The following SKA2 variants were observed in gnomAD, a reference collection of about 807,000 sequenced individuals.
SKA2 encodes the protein spindle and kinetochore-associated protein 2.
SKA2 carries 13 observed loss-of-function variants against 16.9 expected under a neutral mutation model. That is an observed-to-expected ratio of 0.77 (90% CI 0.50 to 1.22). The LOEUF (loss-of-function observed/expected upper bound fraction) is 1.22. Ranked by LOEUF, SKA2 falls within the 50% of genes most tolerant of loss-of-function variation. The pLI, the probability that SKA2 is intolerant of heterozygous loss-of-function variation, is 0.00. For missense variants in SKA2, 107 were observed against 139.7 expected, an observed-to-expected ratio of 0.77 and a Z score of 1.18; for synonymous variants, 47 against 48.5, an observed-to-expected ratio of 0.97 and a Z score of 0.13.
chr17:59,154,927 T>C lies in SKA2; in HGVS notation c.33+204A>G, dbSNP rs770429469. The C allele has an allele frequency of 5.0e-6, 8 of 1,610,626 alleles. No homozygotes were observed. In the South Asian group the frequency reaches 5.5e-5, roughly 11 times the overall value. On this transcript the variant is annotated intron_variant, in intron 1 of 3. Coordinates refer to ENST00000330137, the MANE Select transcript of SKA2 (RefSeq NM_182620.4). The stretch of plus-strand genomic sequence containing the variant: ...CCCTCAGCATCTCCCGCCATTTCCC[T>C]GACGAGTTTCCCGGATGTAACCCCT...
rs970013800 is a variant in SKA2 at position 59,123,956 on chromosome 17, A to G, written c.121-4461T>C. Among the ~76,000 whole-genome samples, 7 of 152,302 alleles carry G rather than the reference A, an allele frequency of 4.6e-5. No homozygotes were observed. In the East Asian group the frequency reaches 9.6e-4, roughly 21 times the overall value. On this transcript the variant is annotated intron_variant, in intron 2 of 3. Transcript: ENST00000330137. ...CAGTTCGTATCCAGGAAATTAGTAG[A>G]TGTTTCAGATCAGGAAAAATAAAGA...
At chr17:59,126,049 T>C (rs1439729944) in intron 2 of SKA2, among the ~76,000 whole-genome samples, 3 of 152,034 alleles carry the variant, frequency 2.0e-5, no homozygotes, top group African/African-American at 7.2e-5. Flanking sequence ...CGGGTGCCTG[T>C]AGTCCCAGCT....
At chr17:59,128,967 T>C (rs2046390426) in intron 2 of SKA2, among the ~76,000 whole-genome samples, 1 of 151,954 alleles carries the variant, frequency 6.6e-6, no homozygotes, top group Admixed American at 6.6e-5. Context: ...GGAAAAAAAA[T>C]ACCCACAGGT....
At chr17:59,130,040 G>T (rs1239282564) in intron 2 of SKA2, among the ~76,000 whole-genome samples, 3 of 134,122 alleles carry the variant, frequency 2.2e-5, no homozygotes, top group Admixed American at 1.6e-4. Flanking sequence ...AGAAAGAGGC[G>T]GGGGGGAGAG....
At chr17:59,129,623 T>C (rs974207538) in intron 2 of SKA2, among the ~76,000 whole-genome samples, 1 of 151,888 alleles carries the variant, frequency 6.6e-6, no homozygotes, top group Non-Finnish European at 1.5e-5. Flanking sequence ...TTTAGGAGGC[T>C]GAGGCGGGTG....
chr17:59,148,850 G>T (rs148126459), intron 1 of SKA2, among the ~76,000 whole-genome samples: 157 of 134,536 alleles, frequency 1.2e-3, no homozygotes, highest in African/African-American at 3.9e-3. Flanking sequence ...ATAGGCAAAA[G>T]ATTGTGAGAC....
chr17:59,138,724 G>C (rs556491074), intron 1 of SKA2, among the ~76,000 whole-genome samples: 1 of 152,058 alleles, frequency 6.6e-6, no homozygotes. Flanking sequence ...GAGCCACCGC[G>C]CCCAGCCTGT....
chr17:59,154,940 G>T, intron 1 of SKA2, 191 bp downstream of exon 1: 1 of 1,611,908 alleles, frequency 6.2e-7, no homozygotes, highest in Non-Finnish European at 8.5e-7. Flanking sequence ...CGAGTTTCCC[G>T]GATGTAACCC....
At chr17:59,130,132 A>G (rs914301795) in intron 2 of SKA2, among the ~76,000 whole-genome samples, 2 of 152,166 alleles carry the variant, frequency 1.3e-5, no homozygotes, top group Non-Finnish European at 2.9e-5. Context: ...CTACACTCCC[A>G]TAGAATTCTA....
intron 2 of SKA2, among the ~76,000 whole-genome samples, chr17:59,128,577 GAT>G (rs1183687825): frequency 6.7e-6 from 1 of 149,514 alleles, no homozygotes; most frequent in Non-Finnish European, 1.5e-5. Flanking sequence ...AGGGAGCAGA[GAT>G]AGTGCCACTT....
intron 1 of SKA2, chr17:59,137,762 C>A (rs1241077655): frequency 1.9e-6 from 1 of 524,626 alleles, no homozygotes; most frequent in Admixed American, 2.0e-5. Flanking sequence ...CTGCAGCCTG[C>A]CCATTGTTCT....
intron 2 of SKA2, chr17:59,129,350 A>AACACACACACACACAC (rs1352895149): frequency 2.8e-5 from 1 of 35,310 alleles, no homozygotes; most frequent in African/African-American, 1.4e-4. Context: ...CCCTATCTTA[A>AACACACACACACACAC]ACACACATAC....
intron 1 of SKA2, among the ~76,000 whole-genome samples, chr17:59,147,708 C>G (rs1259398877): frequency 6.6e-6 from 1 of 151,556 alleles, no homozygotes; most frequent in Non-Finnish European, 1.5e-5. Context: ...AAGTGATCCT[C>G]CTGCCTCAGC....
At chr17:59,144,804 A>G (rs2046519557) in intron 1 of SKA2, among the ~76,000 whole-genome samples, 1 of 151,832 alleles carries the variant, frequency 6.6e-6, no homozygotes, top group African/African-American at 2.4e-5. Context: ...ATGGGTATAG[A>G]GTTTCTTTTT....
intron 1 of SKA2, among the ~76,000 whole-genome samples, chr17:59,132,297 A>ACCATT (rs1286609469): frequency 3.3e-5 from 5 of 151,998 alleles, no homozygotes; most frequent in Non-Finnish European, 7.4e-5. Context: ...TGGAGGCTGC[A>ACCATT]GTAAGCCAAG....
chr17:59,136,062 G>A (rs2046442469), intron 1 of SKA2, among the ~76,000 whole-genome samples: 1 of 151,138 alleles, frequency 6.6e-6, no homozygotes, highest in African/African-American at 2.4e-5. Context: ...ATCTCCAAAA[G>A]GAAGGGAGGA....
intron 2 of SKA2, among the ~76,000 whole-genome samples, 185 bp from the exon 3 acceptor site, chr17:59,119,680 C>T (rs2046319993): frequency 6.6e-6 from 1 of 152,068 alleles, no homozygotes. Context: ...AGACCTAGAT[C>T]CTATTCTCAA....
chr17:59,144,554 T>C (rs1006177052), intron 1 of SKA2, among the ~76,000 whole-genome samples: 3 of 152,152 alleles, frequency 2.0e-5, no homozygotes, highest in African/African-American at 7.2e-5. Context: ...ATGTAGTACA[T>C]ACGTACAATG....
At chr17:59,146,952 G>T (rs1325447329) in intron 1 of SKA2, among the ~76,000 whole-genome samples, 1 of 152,186 alleles carries the variant, frequency 6.6e-6, no homozygotes, top group African/African-American at 2.4e-5. Flanking sequence ...TTATAGGCGT[G>T]AGCCACTGCA....
Sources: gnomAD v4.1 joint callset for allele counts (sites outside exome capture counted in the v4.1 genomes callset) on GRCh38, gnomAD v4.1.1 for gene constraint, MANE v1.5 for transcripts, NCBI Gene and HGNC (gene_info 2026-07-23, HGNC 2026-07-21) for gene names.